Variants in MTA3 observed in about 807,000 individuals in gnomAD.
The protein encoded by MTA3 is metastasis-associated protein MTA3.
Under a neutral mutation model 83.5 loss-of-function variants are expected in MTA3, and 34 were observed. That is an observed-to-expected ratio of 0.41 (90% CI 0.31 to 0.54). MTA3 has a LOEUF of 0.54. Ranked by LOEUF, MTA3 falls within the 20% of genes least tolerant of loss-of-function variation. The pLI, the probability that MTA3 is intolerant of heterozygous loss-of-function variation, is 0.33. For synonymous variants in MTA3, 303 were observed against 252.7 expected (o/e 1.20, Z -1.89); for missense variants, 761 against 726.4 (o/e 1.05, Z -0.55).
intron 8 of MTA3, among the ~76,000 whole-genome samples, chr2:42,679,221 G>T (rs937390507): frequency 6.6e-6 from 1 of 152,106 alleles, no homozygotes; most frequent in Non-Finnish European, 1.5e-5. Context: ...ACATCACTGC[G>T]ATTATACTTA....
At chr2:42,646,167 T>C (rs1048174974) in intron 6 of MTA3, among the ~76,000 whole-genome samples, 3 of 152,208 alleles carry the variant, frequency 2.0e-5, no homozygotes, top group Non-Finnish European at 2.9e-5. Flanking sequence ...TGTTGAGACC[T>C]ACTGCTTAGG....
At chr2:42,655,176 C>T (rs1185602482) in intron 6 of MTA3, among the ~76,000 whole-genome samples, 5 of 152,186 alleles carry the variant, frequency 3.3e-5, no homozygotes, top group Non-Finnish European at 5.9e-5. Context: ...TTTAGTTCTG[C>T]TCTTGTCACT....
chr2:42,541,405 G>A (rs954926550), intron 2 of MTA3, among the ~76,000 whole-genome samples: 2 of 152,210 alleles, frequency 1.3e-5, no homozygotes, highest in African/African-American at 2.4e-5. Flanking sequence ...GCAGGAAGCT[G>A]TAGCTCCTGG....
At chr2:42,534,417 A>G (rs1811657) in intron 2 of MTA3, among the ~76,000 whole-genome samples, 123,523 of 151,898 alleles carry the variant, frequency 0.81, 50,883 homozygotes, top group African/African-American at 0.94. Flanking sequence ...CCAACACGGC[A>G]AAACCCCGTC....
intron 14 of MTA3, among the ~76,000 whole-genome samples, chr2:42,715,931 A>C (rs1013652653): frequency 1.3e-5 from 2 of 152,228 alleles, no homozygotes; most frequent in African/African-American, 4.8e-5. Flanking sequence ...AGAAAAATTT[A>C]TCTTGTCCTT....
At chr2:42,495,899 G>T (rs1331146346) in intron 2 of MTA3, among the ~76,000 whole-genome samples, 1 of 152,196 alleles carries the variant, frequency 6.6e-6, no homozygotes, top group Non-Finnish European at 1.5e-5. Context: ...CAAGAACTTT[G>T]CAGGTCTTGA....
chr2:42,577,460 A>G (rs2103862523), intron 2 of MTA3, among the ~76,000 whole-genome samples: 1 of 151,646 alleles, frequency 6.6e-6, no homozygotes, highest in South Asian at 2.1e-4. Flanking sequence ...AGAAAAAAAT[A>G]TGCCTTGAAA....
chr2:42,675,031 C>A (rs771211968), intron 8 of MTA3, among the ~76,000 whole-genome samples: 1 of 152,014 alleles, frequency 6.6e-6, no homozygotes, highest in Non-Finnish European at 1.5e-5. Context: ...CCTGCCTTGG[C>A]CTCCCAGGGC....
intron 4 of MTA3, among the ~76,000 whole-genome samples, chr2:42,622,336 A>C (rs1685656125): frequency 7.3e-6 from 1 of 137,470 alleles, no homozygotes; most frequent in Non-Finnish European, 1.5e-5. Flanking sequence ...GGGAGGTTGC[A>C]GTGAGCGGAG....
At chr2:42,658,931 CAAAAA>C (rs528285589) in intron 7 of MTA3, among the ~76,000 whole-genome samples, 5 of 102,104 alleles carry the variant, frequency 4.9e-5, no homozygotes, top group Non-Finnish European at 4.2e-5. Context: ...TTTAATTAGC[CAAAAA>C]AAAAAAAAAA....
chr2:42,497,922 G>A (rs376344642), intron 2 of MTA3, among the ~76,000 whole-genome samples: 2 of 152,220 alleles, frequency 1.3e-5, no homozygotes, highest in African/African-American at 4.8e-5. Context: ...CTAAACATGT[G>A]ACCAACAACA....
chr2:42,565,519 CTACCTTG>C (rs1329437440), upstream of MTA3, among the ~76,000 whole-genome samples: 3 of 151,960 alleles, frequency 2.0e-5, no homozygotes, highest in Non-Finnish European at 4.4e-5. Context: ...TGGTAAAGAA[CTACCTTG>C]TATGTGGTTC....
intron 6 of MTA3, among the ~76,000 whole-genome samples, chr2:42,648,859 C>T (rs973974228): frequency 2.0e-5 from 3 of 152,050 alleles, no homozygotes; most frequent in Non-Finnish European, 2.9e-5. Context: ...AATTATTAAA[C>T]GAAAATGACT....
intron 7 of MTA3, among the ~76,000 whole-genome samples, chr2:42,658,630 G>T (rs75089906): frequency 0.014 from 2,161 of 152,260 alleles, 51 homozygotes; most frequent in African/African-American, 0.048. Flanking sequence ...GGTTCCCTGT[G>T]GAAAGGAGCT....
chr2:42,674,868 G>A (rs1450932765), intron 8 of MTA3, among the ~76,000 whole-genome samples: 1 of 151,498 alleles, frequency 6.6e-6, no homozygotes, highest in East Asian at 1.9e-4. Context: ...CCAAAGTGCT[G>A]GGATTAGAGG....
intron 2 of MTA3, among the ~76,000 whole-genome samples, chr2:42,559,805 C>T (rs566057247): frequency 2.2e-4 from 21 of 96,620 alleles, no homozygotes; most frequent in East Asian, 2.9e-4. Context: ...GAACCCGGGG[C>T]GGGGGGCGGG....
At chr2:42,625,819 C>T (rs1266732201) in intron 4 of MTA3, among the ~76,000 whole-genome samples, 1 of 150,218 alleles carries the variant, frequency 6.7e-6, no homozygotes, top group Non-Finnish European at 1.5e-5. Flanking sequence ...AATCTATTAT[C>T]TGCATGCACA....
At chr2:42,678,669 G>A (rs1343671635) in intron 8 of MTA3, among the ~76,000 whole-genome samples, 3 of 152,120 alleles carry the variant, frequency 2.0e-5, no homozygotes, top group Admixed American at 6.6e-5. Flanking sequence ...CCTTGTTAAA[G>A]CAGTTATTTA....
At chr2:42,504,209 C>T (rs1036300114) in intron 2 of MTA3, among the ~76,000 whole-genome samples, 34 of 150,392 alleles carry the variant, frequency 2.3e-4, no homozygotes, top group African/African-American at 7.6e-4. Context: ...GGTTTACAGG[C>T]GTGAGCTACC....
Sources: gnomAD v4.1 joint callset for allele counts (sites outside exome capture counted in the v4.1 genomes callset) on GRCh38, gnomAD v4.1.1 for gene constraint, MANE v1.5 for transcripts, NCBI Gene and HGNC (gene_info 2026-07-23, HGNC 2026-07-21) for gene names.